Variants in CFAP263 observed in about 807,000 individuals in gnomAD.
The protein encoded by CFAP263 is cilia and flagella associated protein 263, also known as cilia- and flagella-associated protein 263.
the CFAP263 span, chr16:58,280,371 A>G: frequency 6.2e-7 from 1 of 1,614,228 alleles, no homozygotes; most frequent in South Asian, 1.1e-5. Context: ...CAGACGCCTC[A>G]GGAGACCTGC....
chr16:58,278,486 G>C, the CFAP263 span: 3 of 1,613,800 alleles, frequency 1.9e-6, no homozygotes, highest in Non-Finnish European at 2.5e-6. Context: ...ACCCAGGACC[G>C]GGCCAAAGCC....
chr16:58,275,583 CA>C, the CFAP263 span, among the ~76,000 whole-genome samples: 91 of 152,266 alleles, frequency 6.0e-4, no homozygotes, highest in Admixed American at 7.2e-4. Context: ...CAATATTTAA[CA>C]CACGCTCAGG....
the CFAP263 span, among the ~76,000 whole-genome samples, chr16:58,257,658 C>T: frequency 1.4e-5 from 2 of 142,416 alleles, no homozygotes; most frequent in South Asian, 2.2e-4. Flanking sequence ...AATATAAAGT[C>T]TTTTTTTTTT....
At chr16:58,254,723 G>A in the CFAP263 span, among the ~76,000 whole-genome samples, 1 of 151,676 alleles carries the variant, frequency 6.6e-6, no homozygotes, top group East Asian at 1.9e-4. Context: ...TCCTGCCTCA[G>A]CCTCCCTAGT....
chr16:58,277,302 T>C, the CFAP263 span, among the ~76,000 whole-genome samples: 1 of 152,126 alleles, frequency 6.6e-6, no homozygotes, highest in Non-Finnish European at 1.5e-5. Context: ...CTCAGTTTTG[T>C]ATTTTTAATA....
At chr16:58,255,982 C>T in the CFAP263 span, among the ~76,000 whole-genome samples, 1 of 152,238 alleles carries the variant, frequency 6.6e-6, no homozygotes, top group East Asian at 1.9e-4. Context: ...AGAAACATCA[C>T]TGTTAATTCG....
At chr16:58,262,444 C>T in the CFAP263 span, 29 of 1,613,020 alleles carry the variant, frequency 1.8e-5, no homozygotes, top group Middle Eastern at 1.7e-4. Context: ...AGATAGAGAA[C>T]GCTCAATTTC....
chr16:58,264,352 A>G, the CFAP263 span, among the ~76,000 whole-genome samples: 1 of 152,182 alleles, frequency 6.6e-6, no homozygotes, highest in East Asian at 1.9e-4. Context: ...ACTGATTTTT[A>G]AAATCAAACT....
At chr16:58,280,190 G>C in the CFAP263 span, 1 of 1,571,324 alleles carries the variant, frequency 6.4e-7, no homozygotes, top group South Asian at 1.2e-5. Context: ...AGCATTCTCA[G>C]TTTACTCTTC....
the CFAP263 span, chr16:58,267,409 A>C: frequency 8.7e-6 from 9 of 1,031,430 alleles, no homozygotes; most frequent in East Asian, 1.9e-4. Context: ...GTTAACAAAG[A>C]GATGTCTCCC....
chr16:58,267,362 C>A, the CFAP263 span: 1 of 725,158 alleles, frequency 1.4e-6, no homozygotes, highest in Admixed American at 2.5e-5. Context: ...ATGAGAAAGG[C>A]AATTTGGACT....
At chr16:58,257,638 C>A in the CFAP263 span, among the ~76,000 whole-genome samples, 5 of 151,012 alleles carry the variant, frequency 3.3e-5, no homozygotes, top group East Asian at 9.8e-4. Context: ...CCCCAATACT[C>A]AGGCTTGGAA....
At chr16:58,256,289 C>T in the CFAP263 span, among the ~76,000 whole-genome samples, 2 of 152,084 alleles carry the variant, frequency 1.3e-5, no homozygotes, top group African/African-American at 4.8e-5. Flanking sequence ...TATCCTGACC[C>T]GCTAGGTTGT....
chr16:58,262,012 G>A, the CFAP263 span, among the ~76,000 whole-genome samples: 1 of 152,116 alleles, frequency 6.6e-6, no homozygotes, highest in Non-Finnish European at 1.5e-5. Flanking sequence ...CACCCACTGT[G>A]GGATGCCCTC....
the CFAP263 span, among the ~76,000 whole-genome samples, chr16:58,271,522 A>G: frequency 6.6e-6 from 1 of 152,190 alleles, no homozygotes; most frequent in Non-Finnish European, 1.5e-5. Context: ...TATCCACATT[A>G]CATTTACTGC....
At chr16:58,258,944 C>T in the CFAP263 span, among the ~76,000 whole-genome samples, 2 of 151,816 alleles carry the variant, frequency 1.3e-5, no homozygotes, top group Non-Finnish European at 2.9e-5. Context: ...TGCCACTGCA[C>T]TCCAGCCTGG....
chr16:58,254,139 C>T, the CFAP263 span: 204 of 1,614,072 alleles, frequency 1.3e-4, no homozygotes, highest in Non-Finnish European at 1.6e-4. Flanking sequence ...AAATGCGGAA[C>T]GCGACCTGCA....
At chr16:58,262,020 C>T in the CFAP263 span, among the ~76,000 whole-genome samples, 1 of 152,086 alleles carries the variant, frequency 6.6e-6, no homozygotes, top group Non-Finnish European at 1.5e-5. Context: ...GTGGGATGCC[C>T]TCTGTGCGTG....
At chr16:58,260,962 G>A in the CFAP263 span, among the ~76,000 whole-genome samples, 1 of 152,168 alleles carries the variant, frequency 6.6e-6, no homozygotes, top group Non-Finnish European at 1.5e-5. Context: ...TGGTGGTGAT[G>A]CTATGGCCTA....
Sources: gnomAD v4.1 joint callset for allele counts (sites outside exome capture counted in the v4.1 genomes callset) on GRCh38, gnomAD v4.1.1 for gene constraint, MANE v1.5 for transcripts, NCBI Gene and HGNC (gene_info 2026-07-23, HGNC 2026-07-21) for gene names.